TSHZ3: variants seen among roughly 807,000 people sequenced by gnomAD.
The protein encoded by TSHZ3 is teashirt homolog 3.
In TSHZ3, 10 loss-of-function variants were observed where a neutral mutation model predicts 64.5. That is an observed-to-expected ratio of 0.16 (90% CI 0.10 to 0.26). The LOEUF is 0.26. Among genes scored for constraint, TSHZ3 ranks in the 10% least tolerant of loss-of-function variants. The pLI is 1.00. For synonymous variants in TSHZ3, 608 were observed against 593.1 expected (o/e 1.03, Z -0.36); for missense variants, 1,242 against 1,421.7 (o/e 0.87, Z 2.03).
chr19:31,298,129 AG>A (rs1331329490), intron 1 of TSHZ3, among the ~76,000 whole-genome samples: 1 of 152,072 alleles, frequency 6.6e-6, no homozygotes, highest in African/African-American at 2.4e-5. Flanking sequence ...CCTTGCACCC[AG>A]GGAAGGCCAC....
Position 31,279,809 on chromosome 19 carries a change from G to A in TSHZ3, c.41-57C>T. Reference sequence around the variant, plus strand: ...GGTAGGATGGAATGAAGAGAGACAGGGAGAAGGAGAGAAAGAAAAAAAAAA... The same window carrying A: ...GGTAGGATGGAATGAAGAGAGACAGAGAGAAGGAGAGAAAGAAAAAAAAAA... On this transcript the variant is annotated intron_variant, in intron 1 of 1. Coordinates refer to ENST00000240587, the MANE Select transcript of TSHZ3 (RefSeq NM_020856.4). This position sits in a 1 kb window ranked among gnomAD's most constrained non-coding sequence, Gnocchi z 6.4. The A allele has an allele frequency of 7.1e-7, 1 of 1,407,834 alleles. No individual in the cohort carries two copies. Among genetic ancestry groups the A allele is most frequent in the Non-Finnish European group, 9.4e-7 (1 of 1,067,048 alleles). 87.2% of individuals were successfully genotyped at this position (1,407,834 alleles called of 1,614,324 possible).
intron 4 of TSHZ3, among the ~76,000 whole-genome samples, chr19:31,205,346 T>C (rs1226897820): frequency 2.6e-5 from 4 of 152,216 alleles, no homozygotes; most frequent in Non-Finnish European, 5.9e-5. Flanking sequence ...GGAGGCTTCC[T>C]TTCCTGCCCC....
chr19:31,305,270 T>C (rs1401001642), intron 1 of TSHZ3, among the ~76,000 whole-genome samples: 1 of 151,880 alleles, frequency 6.6e-6, no homozygotes, highest in Non-Finnish European at 1.5e-5. Context: ...TCTGAACTGT[T>C]GATTTCGTTA....
downstream of TSHZ3, among the ~76,000 whole-genome samples, chr19:31,273,062 C>A (rs1401494355): frequency 6.6e-6 from 1 of 152,132 alleles, no homozygotes; most frequent in South Asian, 2.1e-4. Flanking sequence ...CCATTCTGGG[C>A]TGGGGTGAAA....
chr19:31,289,828 C>G (rs1005621394), intron 1 of TSHZ3, among the ~76,000 whole-genome samples: 4 of 152,240 alleles, frequency 2.6e-5, no homozygotes, highest in African/African-American at 9.6e-5. Context: ...AATCACCTTC[C>G]TCTGTGTCAG....
chr19:31,171,520 A>C (rs1974534702), intron 5 of TSHZ3, among the ~76,000 whole-genome samples: 1 of 152,048 alleles, frequency 6.6e-6, no homozygotes, highest in Admixed American at 6.6e-5. Flanking sequence ...AAGCCAGAGA[A>C]TCAGTTTCCT....
At chr19:31,292,149 T>C (rs954460285) in intron 1 of TSHZ3, among the ~76,000 whole-genome samples, 3 of 152,152 alleles carry the variant, frequency 2.0e-5, no homozygotes, top group East Asian at 1.9e-4. Flanking sequence ...CTGGCCTATA[T>C]TGGATCCAAT....
chr19:31,348,554 G>A (rs1413397541), intron 1 of TSHZ3, among the ~76,000 whole-genome samples: 1 of 151,556 alleles, frequency 6.6e-6, no homozygotes, highest in Non-Finnish European at 1.5e-5. Flanking sequence ...GGGAGCAGCA[G>A]TACAAGGAGG....
At chr19:31,150,736 G>T (rs1291210949) in exon 7 of TSHZ3, among the ~76,000 whole-genome samples, 1 of 152,168 alleles carries the variant, frequency 6.6e-6, no homozygotes, top group Non-Finnish European at 1.5e-5. Context: ...TGGTTTCCAG[G>T]TATCTTTTTT....
intron 1 of TSHZ3, among the ~76,000 whole-genome samples, chr19:31,343,756 C>T (rs1917500787): frequency 6.7e-6 from 1 of 150,010 alleles, no homozygotes; most frequent in Non-Finnish European, 1.5e-5. Context: ...GTCTATGTCT[C>T]CAGTCCTTAC....
intron 1 of TSHZ3, among the ~76,000 whole-genome samples, chr19:31,250,744 C>T (rs1306514746): frequency 6.6e-6 from 1 of 152,138 alleles, no homozygotes; most frequent in Non-Finnish European, 1.5e-5. Flanking sequence ...GAAGTGGGGA[C>T]AAGAATCATA....
intron 1 of TSHZ3, among the ~76,000 whole-genome samples, chr19:31,256,361 C>T (rs1254255729): frequency 6.6e-6 from 1 of 152,098 alleles, no homozygotes; most frequent in African/African-American, 2.4e-5. Context: ...CTGCGGGGGT[C>T]CTTTTCCAGG....
At chr19:31,308,322 T>C (rs562038663) in intron 1 of TSHZ3, 3 of 213,996 alleles carry the variant, frequency 1.4e-5, no homozygotes, top group South Asian at 1.9e-4. Flanking sequence ...AAATTAGAAC[T>C]GAGAGATATT....
chr19:31,247,127 A>G (rs1206281861), intron 1 of TSHZ3, among the ~76,000 whole-genome samples: 1 of 152,228 alleles, frequency 6.6e-6, no homozygotes, highest in Admixed American at 6.5e-5. Flanking sequence ...CCTCTTGGCA[A>G]CTATCATCAT....
chr19:31,161,073 C>A (rs1163191788), intron 5 of TSHZ3, among the ~76,000 whole-genome samples: 1 of 152,108 alleles, frequency 6.6e-6, no homozygotes, highest in Non-Finnish European at 1.5e-5. Flanking sequence ...ATTTATATAT[C>A]TTTGCGTGCG....
At position 31,279,824 on chromosome 19, in the gene TSHZ3, G is replaced by GAA; in HGVS notation, c.41-74_41-73dup. Reference sequence around the variant, plus strand: ...AGAGAGACAGGGAGAAGGAGAGAAAGAAAAAAAAAAGCATTAGTACTTGTT... The same window carrying GAA: ...AGAGAGACAGGGAGAAGGAGAGAAAGAAAAAAAAAAAAGCATTAGTACTTGTT... On this transcript the variant is annotated intron_variant, in intron 1 of 1. Coordinates refer to ENST00000240587, the MANE Select transcript of TSHZ3 (RefSeq NM_020856.4). This position sits in a 1 kb window ranked among gnomAD's most constrained non-coding sequence, Gnocchi z 6.4. 8.9e-6 allele frequency: 11 copies of GAA among 1,233,914 alleles called. No individual in the cohort carries two copies. The highest frequency in any genetic ancestry group is 1.1e-5 in the Non-Finnish European group (10 of 937,538). The allele number at this position is 1,233,914 out of a possible 1,614,324, so 76.4% of individuals were successfully genotyped here.
chr19:31,279,537 C>A lies in TSHZ3; in HGVS notation c.256G>T (p.Ala86Ser), dbSNP rs769961950. 9 of 1,610,440 alleles carry A rather than the reference C, an allele frequency of 5.6e-6. No homozygotes were observed. The highest frequency in any genetic ancestry group is 2.2e-5 in the East Asian group (1 of 44,798). The part of the protein sequence containing the change: ...SHISETSDRM[A>S]DFESGSIKNE... ...TTGATGGAGCCGCTTTCAAAGTCAG[C>A]CATTCGGTCACTGGTCTCACTGATG... The change falls in exon 2 of 2, where the codon GCT becomes TCT. Residue 86 changes from alanine to serine, a missense_variant. This residue lies in a region of TSHZ3 where 555 missense variants were observed against 704.0 expected (regional missense o/e 0.79). Transcript: ENST00000240587. The surrounding 1 kb of genome is among the most constrained non-coding windows in gnomAD (Gnocchi z 6.4).
At chr19:31,332,196 T>C (rs1917116770) in intron 1 of TSHZ3, among the ~76,000 whole-genome samples, 1 of 152,170 alleles carries the variant, frequency 6.6e-6, no homozygotes, top group Non-Finnish European at 1.5e-5. Context: ...AATATAATCA[T>C]CATAAACTTT....
chr19:31,190,146 G>A (rs1974879668), intron 5 of TSHZ3, among the ~76,000 whole-genome samples: 1 of 152,076 alleles, frequency 6.6e-6, no homozygotes, highest in Non-Finnish European at 1.5e-5. Context: ...ATTAAAGTTT[G>A]GGAAAGCTTA....
Sources: gnomAD v4.1 joint callset for allele counts (sites outside exome capture counted in the v4.1 genomes callset) on GRCh38, gnomAD v4.1.1 for gene constraint, gnomAD v4.1.1 regional missense constraint, Gnocchi (gnomAD v3.1) non-coding constraint, MANE v1.5 for transcripts, NCBI Gene and HGNC (gene_info 2026-07-23, HGNC 2026-07-21) for gene names.